ADCY1: variants seen among roughly 807,000 people sequenced by gnomAD.
ADCY1 encodes the protein adenylate cyclase type 1.
ADCY1 carries 28 observed loss-of-function variants against 105.4 expected under a neutral mutation model. The ratio of observed to expected loss-of-function variants is 0.27; its 90% CI spans 0.20 to 0.36. The LOEUF (loss-of-function observed/expected upper bound fraction) is 0.36, where lower values mean the gene tolerates loss of function less well. Ranked by LOEUF, ADCY1 falls within the 10% of genes least tolerant of loss-of-function variation. ADCY1 has a pLI of 1.00. For synonymous variants in ADCY1, 655 were observed against 623.8 expected, an observed-to-expected ratio of 1.05 and a Z score of -0.75; for missense variants, 977 against 1,434.2, an observed-to-expected ratio of 0.68 and a Z score of 5.15.
intron 14 of ADCY1, among the ~76,000 whole-genome samples, chr7:45,700,088 A>G (rs1277824553): frequency 6.6e-6 from 1 of 152,126 alleles, no homozygotes; most frequent in Non-Finnish European, 1.5e-5. Flanking sequence ...GAGAGAAGCC[A>G]CTGGCATCCA....
rs542725476 is a variant in ADCY1 at position 45,713,628 on chromosome 7, T to C, written c.3058-65T>C. 142 of 729,394 alleles carry C rather than the reference T, an allele frequency of 1.9e-4. No individual in the cohort carries two copies. In the East Asian group the frequency reaches 3.2e-3, roughly 16 times the overall value. The allele number at this position is 729,394 out of a possible 1,614,324, so 45.2% of individuals were successfully genotyped here. ...GCAACAGATGCAGGATGGAGTGTTT[T>C]GGTCTCTTCCCAGAGGAGTCCCCCT... On this transcript the variant is annotated intron_variant, in intron 19 of 19. Coordinates refer to ENST00000297323, the MANE Select transcript of ADCY1 (RefSeq NM_021116.4).
intron 4 of ADCY1, among the ~76,000 whole-genome samples, chr7:45,626,139 G>A (rs992641794): frequency 3.9e-5 from 6 of 152,148 alleles, no homozygotes; most frequent in Non-Finnish European, 5.9e-5. Context: ...GTTACGTATC[G>A]TTTCTGTTGC....
chr7:45,708,579 C>CCCT lies in ADCY1; in HGVS notation c.2932+117_2932+118insTCC. 1 of 757,082 alleles carries CCCT rather than the reference C, an allele frequency of 1.3e-6. No individual in the cohort carries two copies. The highest frequency in any genetic ancestry group is 2.3e-6 in the Non-Finnish European group (1 of 444,316). The allele number at this position is 757,082 out of a possible 1,614,324, so 46.9% of individuals were successfully genotyped here. ...TCTTACAGGAAGGAGGGTGGTGCCA[C>CCCT]CCAGGAGGGCATGGGGACCTGTGTA... On this transcript the variant is annotated intron_variant, in intron 18 of 19. Transcript: ENST00000297323. The surrounding 1 kb of genome is among the most constrained non-coding windows in gnomAD (Gnocchi z 4.7).
chr7:45,659,123 G>C (rs774119269), intron 6 of ADCY1, among the ~76,000 whole-genome samples: 17 of 152,136 alleles, frequency 1.1e-4, no homozygotes, highest in Admixed American at 8.5e-4. Flanking sequence ...CCCACCCCCT[G>C]CTCCTCTGGG....
At chr7:45,636,257 A>G (rs377635965) in intron 4 of ADCY1, among the ~76,000 whole-genome samples, 2 of 152,358 alleles carry the variant, frequency 1.3e-5, no homozygotes, top group East Asian at 1.9e-4. Context: ...AAAAAATGGC[A>G]TAGTATTTGC....
chr7:45,604,278 T>C (rs1207230176), intron 2 of ADCY1, among the ~76,000 whole-genome samples: 1 of 152,210 alleles, frequency 6.6e-6, no homozygotes, highest in African/African-American at 2.4e-5. Flanking sequence ...ATTTTGTTTG[T>C]GAATATTTTC....
At chr7:45,712,948 C>T (rs1434608522) in intron 19 of ADCY1, among the ~76,000 whole-genome samples, 2 of 152,048 alleles carry the variant, frequency 1.3e-5, no homozygotes, top group Non-Finnish European at 2.9e-5. Context: ...CTGCTGCCCT[C>T]CGTATGCTGG....
chr7:45,626,086 G>A (rs1025867795), intron 4 of ADCY1, among the ~76,000 whole-genome samples: 1 of 152,308 alleles, frequency 6.6e-6, no homozygotes, highest in Middle Eastern at 3.4e-3. Context: ...GTTAGCTGAC[G>A]AGGTCTGTGA....
At chr7:45,650,304 ACAT>A (rs1314725338) in intron 5 of ADCY1, among the ~76,000 whole-genome samples, 3 of 152,182 alleles carry the variant, frequency 2.0e-5, no homozygotes, top group Admixed American at 1.3e-4. Flanking sequence ...TTAATGGATC[ACAT>A]CATATCACAT....
At chr7:45,609,851 T>G (rs1394392702) in intron 2 of ADCY1, among the ~76,000 whole-genome samples, 1 of 152,146 alleles carries the variant, frequency 6.6e-6, no homozygotes, top group African/African-American at 2.4e-5. Context: ...TTCTTTTCTC[T>G]TGGGGGAAAA....
intron 5 of ADCY1, among the ~76,000 whole-genome samples, chr7:45,653,726 C>T (rs1042989267): frequency 6.6e-6 from 1 of 152,228 alleles, no homozygotes; most frequent in Non-Finnish European, 1.5e-5. Context: ...TCTGTGCTCA[C>T]CCACCTTCTT....
intron 10 of ADCY1, 131 bp from the exon 11 acceptor site, chr7:45,679,578 C>A (rs542496252): frequency 1.2e-6 from 1 of 846,476 alleles, no homozygotes; most frequent in African/African-American, 1.7e-5. Context: ...TGGCAGGCAT[C>A]CAGGTTAACG....
intron 17 of ADCY1, among the ~76,000 whole-genome samples, chr7:45,706,092 G>T (rs1584345126): frequency 6.6e-6 from 1 of 152,274 alleles, no homozygotes; most frequent in East Asian, 1.9e-4. Context: ...TGCATCGGAG[G>T]AGTCAGTATT....
chr7:45,622,272 C>T (rs950203996), intron 3 of ADCY1, among the ~76,000 whole-genome samples: 3 of 152,118 alleles, frequency 2.0e-5, no homozygotes, highest in Admixed American at 6.5e-5. Context: ...CACTTCTGCT[C>T]GGTGCCGCTG....
intron 4 of ADCY1, among the ~76,000 whole-genome samples, chr7:45,639,873 G>C (rs749479330): frequency 9.9e-5 from 15 of 152,142 alleles, no homozygotes; most frequent in Non-Finnish European, 1.8e-4. Context: ...TAATCCTGTG[G>C]GATATGCTGA....
chr7:45,717,614 T>A lies in ADCY1; in HGVS notation c.*3619T>A, dbSNP rs1474894727. ...ACCCACCTCAGCCCTTGCTTGGCCA[T>A]GCTGTGGCCCTTTGGAAATGACCCT... is the stretch of plus-strand genomic sequence containing the variant. On this transcript the variant is annotated 3_prime_UTR_variant, in exon 20 of 20. Transcript: ENST00000297323. 6.6e-6 allele frequency: 1 copy of A among 152,286 alleles called. No individual in the cohort carries two copies. Among genetic ancestry groups the A allele is most frequent in the African/African-American group, 2.4e-5 (1 of 41,442 alleles). The allele number at this position is 152,286 out of a possible 1,614,324, so 9.4% of individuals were successfully genotyped here.
At chr7:45,682,818 T>C (rs1784587143) in intron 11 of ADCY1, among the ~76,000 whole-genome samples, 1 of 152,132 alleles carries the variant, frequency 6.6e-6, no homozygotes, top group Non-Finnish European at 1.5e-5. Flanking sequence ...TCACCAGTTA[T>C]GATACTCGAG....
intron 14 of ADCY1, among the ~76,000 whole-genome samples, chr7:45,701,030 G>T (rs969438111): frequency 6.6e-6 from 1 of 152,216 alleles, no homozygotes; most frequent in South Asian, 2.1e-4. Flanking sequence ...AATTGAGAAG[G>T]GAAATACCTT....
intron 2 of ADCY1, among the ~76,000 whole-genome samples, chr7:45,597,900 A>G (rs1793121433): frequency 6.6e-6 from 1 of 152,168 alleles, no homozygotes; most frequent in African/African-American, 2.4e-5. Context: ...CTGAATTGTC[A>G]GTGTGCCTGA....
Sources: gnomAD v4.1 joint callset for allele counts (sites outside exome capture counted in the v4.1 genomes callset) on GRCh38, gnomAD v4.1.1 for gene constraint, Gnocchi (gnomAD v3.1) non-coding constraint, MANE v1.5 for transcripts, NCBI Gene and HGNC (gene_info 2026-07-23, HGNC 2026-07-21) for gene names.